The following FAAH2 variants were observed in gnomAD, a reference collection of about 807,000 sequenced individuals.
FAAH2 encodes the protein fatty acid amide hydrolase 2.
A neutral mutation model predicts 36.9 loss-of-function variants in FAAH2; 60 were observed. The observed-to-expected ratio is 1.63, with a 90% CI of 1.32 to 2.02. FAAH2 has a LOEUF of 2.02. FAAH2 is among the 30% of genes most tolerant of loss of function. FAAH2 has a pLI of 0.00. For missense variants in FAAH2, 689 were observed against 397.5 expected (o/e 1.73, Z -6.23); for synonymous variants, 214 against 143.8 (o/e 1.49, Z -3.49).
intron 7 of FAAH2, among the ~76,000 whole-genome samples, chrX:57,396,355 C>T (rs751388882): frequency 2.0e-5 from 2 of 100,532 alleles, no homozygotes; most frequent in South Asian, 8.8e-4. Flanking sequence ...TTCTTTTATT[C>T]TGCTAGCTTT....
At chrX:57,475,097 C>G (rs1349239767) in intron 10 of FAAH2, among the ~76,000 whole-genome samples, 1 of 111,738 alleles carries the variant, frequency 8.9e-6, no homozygotes, top group Non-Finnish European at 1.9e-5. Flanking sequence ...GATATTAGAC[C>G]TTTGTCAGAT....
chrX:57,259,709 T>C, the FAAH2 span, among the ~76,000 whole-genome samples: 1 of 111,947 alleles, frequency 8.9e-6, no homozygotes, highest in African/African-American at 3.2e-5. Context: ...TAGGTAACTA[T>C]GTGAGGTGAT....
At chrX:57,478,724 G>A (rs1403423001) in intron 10 of FAAH2, among the ~76,000 whole-genome samples, 1 of 111,627 alleles carries the variant, frequency 9.0e-6, no homozygotes, top group African/African-American at 3.3e-5. Context: ...AGTTTTCCCA[G>A]CACCATTTAT....
intron 8 of FAAH2, among the ~76,000 whole-genome samples, chrX:57,436,710 G>A (rs2056419032): frequency 9.0e-6 from 1 of 111,235 alleles, no homozygotes; most frequent in Admixed American, 9.6e-5. Flanking sequence ...AGGTAATAGA[G>A]AACTTGAGCA....
At chrX:57,176,763 A>AT in the FAAH2 span, among the ~76,000 whole-genome samples, 1 of 111,047 alleles carries the variant, frequency 9.0e-6, no homozygotes, top group Admixed American at 9.6e-5. Context: ...TTATAAAGTA[A>AT]TTTTTCCCCC....
chrX:57,145,388 C>T, the FAAH2 span, among the ~76,000 whole-genome samples: 5 of 110,635 alleles, frequency 4.5e-5, no homozygotes, highest in South Asian at 3.8e-4. Flanking sequence ...GTCCTTACCC[C>T]GCTTTTTGAT....
the FAAH2 span, among the ~76,000 whole-genome samples, chrX:57,240,643 C>T: frequency 3.6e-5 from 4 of 112,433 alleles, no homozygotes; most frequent in African/African-American, 1.3e-4. Flanking sequence ...CCACCAGCAG[C>T]AGCATGGCAG....
the FAAH2 span, among the ~76,000 whole-genome samples, chrX:57,182,324 A>G: frequency 1.8e-5 from 2 of 112,300 alleles, no homozygotes; most frequent in Non-Finnish European, 3.8e-5. Flanking sequence ...TTTGCAAGTT[A>G]TGCATCTGGC....
chrX:57,479,932 C>A (rs752484189), intron 10 of FAAH2, among the ~76,000 whole-genome samples: 1 of 111,562 alleles, frequency 9.0e-6, no homozygotes, highest in South Asian at 3.8e-4. Context: ...AAGGAGATAT[C>A]ACCACCAATC....
chrX:57,189,953 C>A, the FAAH2 span, among the ~76,000 whole-genome samples: 1 of 112,348 alleles, frequency 8.9e-6, no homozygotes, highest in Non-Finnish European at 1.9e-5. Context: ...TTACTGCTTT[C>A]TTCAGAGCTA....
At chrX:57,125,186 C>T in the FAAH2 span, among the ~76,000 whole-genome samples, 1 of 112,637 alleles carries the variant, frequency 8.9e-6, no homozygotes, top group Non-Finnish European at 1.9e-5. Flanking sequence ...CCCATCAATA[C>T]CTAATTTATT....
At chrX:57,447,920 C>A (rs1240585462) in intron 9 of FAAH2, among the ~76,000 whole-genome samples, 1 of 112,316 alleles carries the variant, frequency 8.9e-6, no homozygotes, top group East Asian at 2.8e-4. Context: ...CTGCAGCCGG[C>A]TTGAATTTCT....
In FAAH2 at chrX:57,310,739, T is replaced by C; in HGVS notation, c.412+10T>C. On this transcript the variant is annotated intron_variant, in intron 3 of 10. Coordinates refer to ENST00000374900, the MANE Select transcript of FAAH2 (RefSeq NM_174912.4). ...GCTTTCCAGCTACAAGGTACTATTC[T>C]TTTATTTTTGGCTACATGAGTTTAA... is the stretch of plus-strand genomic sequence containing the variant. 8.5e-7 allele frequency: 1 copy of C among 1,180,557 alleles called. No homozygotes were observed. Among genetic ancestry groups the C allele is most frequent in the Non-Finnish European group, 1.1e-6 (1 of 882,694 alleles).
chrX:57,324,850 GC>G (rs1273783525), intron 3 of FAAH2, among the ~76,000 whole-genome samples: 1 of 111,622 alleles, frequency 9.0e-6, no homozygotes, highest in East Asian at 2.8e-4. Flanking sequence ...CTGCCTAATT[GC>G]CCTGGCCATA....
the FAAH2 span, among the ~76,000 whole-genome samples, chrX:57,241,539 C>T: frequency 9.9e-5 from 11 of 111,668 alleles, no homozygotes; most frequent in Non-Finnish European, 2.1e-4. Flanking sequence ...TTGTAAAGTT[C>T]ATTTTTAAAA....
the FAAH2 span, among the ~76,000 whole-genome samples, chrX:57,141,471 C>G: frequency 8.9e-6 from 1 of 111,792 alleles, no homozygotes; most frequent in Non-Finnish European, 1.9e-5. Context: ...GCATTCCCTC[C>G]TATTTGATTT....
chrX:57,349,103 A>AATATAT (rs1491133032), intron 5 of FAAH2, among the ~76,000 whole-genome samples: 32 of 97,189 alleles, frequency 3.3e-4, no homozygotes, highest in South Asian at 1.7e-3. Context: ...TTATATATAT[A>AATATAT]ATGTATATGT....
At chrX:57,408,519 C>A (rs1438056742) in intron 7 of FAAH2, among the ~76,000 whole-genome samples, 2 of 103,893 alleles carry the variant, frequency 1.9e-5, no homozygotes, top group African/African-American at 6.8e-5. Context: ...TTGCATTTTC[C>A]TTTCCAATTT....
the FAAH2 span, among the ~76,000 whole-genome samples, chrX:57,214,576 G>A: frequency 9.0e-6 from 1 of 111,110 alleles, no homozygotes; most frequent in Non-Finnish European, 1.9e-5. Flanking sequence ...ACAGGTGCGT[G>A]CCATGATGCC....
Sources: allele counts gnomAD v4.1 joint callset (sites outside exome capture counted in the v4.1 genomes callset), GRCh38; gene constraint gnomAD v4.1.1; transcripts MANE v1.5; gene names NCBI Gene and HGNC (gene_info 2026-07-23, HGNC 2026-07-21).